Variants in SUGCT observed in about 807,000 individuals in gnomAD.
SUGCT encodes succinyl-CoA:glutarate-CoA transferase.
SUGCT carries 41 observed loss-of-function variants against 55.0 expected under a neutral mutation model. The ratio of observed to expected loss-of-function variants is 0.74; its 90% CI spans 0.58 to 0.97. The LOEUF (loss-of-function observed/expected upper bound fraction) is 0.97. Ranked by LOEUF, SUGCT falls within the 50% of genes least tolerant of loss-of-function variation. The pLI is 0.00. For synonymous variants in SUGCT, 187 were observed against 200.4 expected (o/e 0.93, Z 0.56); for missense variants, 568 against 547.8 (o/e 1.04, Z -0.37).
chr7:40,208,178 G>A (rs555408138), intron 6 of SUGCT, among the ~76,000 whole-genome samples: 1 of 152,314 alleles, frequency 6.6e-6, no homozygotes, highest in Non-Finnish European at 1.5e-5. Flanking sequence ...GCTAGAGGTT[G>A]GGAGGAAGGA....
intron 12 of SUGCT, 92 bp downstream of exon 12, chr7:40,496,478 A>G (rs1415636917): frequency 4.7e-6 from 4 of 853,108 alleles, no homozygotes; most frequent in South Asian, 1.5e-5. Context: ...CTTAAGTCAC[A>G]TGATGTGAAT....
chr7:40,215,267 C>G (rs898959961), intron 6 of SUGCT, among the ~76,000 whole-genome samples: 1 of 152,088 alleles, frequency 6.6e-6, no homozygotes, highest in African/African-American at 2.4e-5. Flanking sequence ...CTCGGCCTCC[C>G]AAGTAGCTGG....
At chr7:40,515,164 C>T (rs1793167122) in intron 12 of SUGCT, among the ~76,000 whole-genome samples, 1 of 152,156 alleles carries the variant, frequency 6.6e-6, no homozygotes, top group African/African-American at 2.4e-5. Context: ...GGGCAAAGAT[C>T]TCCTTCATGC....
intron 1 of SUGCT, among the ~76,000 whole-genome samples, chr7:40,149,214 C>A (rs1788422065): frequency 6.6e-6 from 1 of 152,114 alleles, no homozygotes; most frequent in Admixed American, 6.6e-5. Context: ...ACCTTAAATA[C>A]TGGATTTTTA....
chr7:40,665,152 G>A (rs1456905397), intron 12 of SUGCT, among the ~76,000 whole-genome samples: 3 of 151,240 alleles, frequency 2.0e-5, no homozygotes, highest in Non-Finnish European at 2.9e-5. Flanking sequence ...TACAAGTACC[G>A]GCCAGGCTGG....
chr7:40,316,164 G>T (rs1415049360), intron 8 of SUGCT, among the ~76,000 whole-genome samples: 1 of 152,116 alleles, frequency 6.6e-6, no homozygotes, highest in Non-Finnish European at 1.5e-5. Flanking sequence ...AAATGAGGAT[G>T]ATCCACTAAT....
intron 9 of SUGCT, among the ~76,000 whole-genome samples, chr7:40,445,234 AATAG>A (rs1302168661): frequency 1.3e-5 from 2 of 152,206 alleles, no homozygotes; most frequent in African/African-American, 2.4e-5. Context: ...AGATCAACAA[AATAG>A]ATAGACCGCT....
chr7:40,898,094 A>C, the SUGCT span, among the ~76,000 whole-genome samples: 1 of 151,884 alleles, frequency 6.6e-6, no homozygotes, highest in Non-Finnish European at 1.5e-5. Flanking sequence ...GAGCTGTAAC[A>C]CTCACCCAGA....
intron 11 of SUGCT, among the ~76,000 whole-genome samples, chr7:40,460,317 C>T (rs1239377743): frequency 6.6e-6 from 1 of 152,152 alleles, no homozygotes; most frequent in Admixed American, 6.5e-5. Flanking sequence ...CTGATAGACA[C>T]AGAATGGGGG....
the SUGCT span, among the ~76,000 whole-genome samples, chr7:40,869,863 A>T: frequency 6.6e-6 from 1 of 152,162 alleles, no homozygotes; most frequent in South Asian, 2.1e-4. Flanking sequence ...TTAGATCAGG[A>T]TTATGCATTT....
intron 11 of SUGCT, among the ~76,000 whole-genome samples, chr7:40,490,904 G>A (rs1012193949): frequency 2.0e-5 from 3 of 152,168 alleles, no homozygotes; most frequent in Admixed American, 6.5e-5. Context: ...GAAAAATTAA[G>A]AGGAGATGCT....
At chr7:40,245,549 C>T (rs1278293953) in intron 7 of SUGCT, among the ~76,000 whole-genome samples, 1 of 144,136 alleles carries the variant, frequency 6.9e-6, no homozygotes, top group African/African-American at 2.6e-5. Flanking sequence ...ATGCCATTCT[C>T]CTGTCTCAGC....
intron 11 of SUGCT, among the ~76,000 whole-genome samples, chr7:40,485,038 T>A (rs1791253249): frequency 6.6e-6 from 1 of 152,164 alleles, no homozygotes; most frequent in South Asian, 2.1e-4. Context: ...CCACAGGATG[T>A]TGGAAGAATT....
chr7:40,818,480 G>T (rs1791792767), intron 13 of SUGCT, among the ~76,000 whole-genome samples: 1 of 152,242 alleles, frequency 6.6e-6, no homozygotes, highest in Non-Finnish European at 1.5e-5. Flanking sequence ...TCTTCATAAA[G>T]AACTGGTAAG....
At chr7:40,206,753 T>G (rs1786997950) in intron 6 of SUGCT, among the ~76,000 whole-genome samples, 1 of 152,186 alleles carries the variant, frequency 6.6e-6, no homozygotes, top group Admixed American at 6.6e-5. Context: ...ATAGTTGTTA[T>G]ACCTATTGTT....
downstream of SUGCT, among the ~76,000 whole-genome samples, chr7:40,862,058 C>T (rs774329338): frequency 2.0e-5 from 3 of 152,158 alleles, no homozygotes; most frequent in Non-Finnish European, 2.9e-5. Context: ...AAGATAGGCC[C>T]GACCATTTCT....
chr7:40,491,336 G>A (rs1386964470), intron 11 of SUGCT, among the ~76,000 whole-genome samples: 2 of 152,202 alleles, frequency 1.3e-5, no homozygotes, highest in Non-Finnish European at 2.9e-5. Flanking sequence ...AGTGCGAATG[G>A]AGGAGTAGTT....
At chr7:40,487,078 C>CTTTTTT (rs745766266) in intron 11 of SUGCT, among the ~76,000 whole-genome samples, 8 of 93,902 alleles carry the variant, frequency 8.5e-5, no homozygotes, top group Non-Finnish European at 1.6e-4. Context: ...TGATTTCAAT[C>CTTTTTT]TTTTTTTTTT....
At chr7:40,508,143 CT>C (rs1237688969) in intron 12 of SUGCT, among the ~76,000 whole-genome samples, 1 of 152,174 alleles carries the variant, frequency 6.6e-6, no homozygotes, top group Non-Finnish European at 1.5e-5. Flanking sequence ...GTAAGTTCCA[CT>C]TTTCCTGAGT....
Sources: gnomAD v4.1 joint callset for allele counts (sites outside exome capture counted in the v4.1 genomes callset) on GRCh38, gnomAD v4.1.1 for gene constraint, MANE v1.5 for transcripts, NCBI Gene and HGNC (gene_info 2026-07-23, HGNC 2026-07-21) for gene names.